PTPN11: variants seen among roughly 807,000 people sequenced by gnomAD.
The protein encoded by PTPN11 is protein tyrosine phosphatase non-receptor type 11.
Under a neutral mutation model 78.8 loss-of-function variants are expected in PTPN11, and 6 were observed. That is an observed-to-expected ratio of 0.08 (90% CI 0.04 to 0.15). PTPN11 has a LOEUF of 0.15. PTPN11 is among the 10% of genes least tolerant of loss of function. The pLI is 1.00. For missense variants in PTPN11, 386 were observed against 744.8 expected, an observed-to-expected ratio of 0.52 and a Z score of 5.61; for synonymous variants, 221 against 263.5, an observed-to-expected ratio of 0.84 and a Z score of 1.56.
chr12:112,452,168 G>A (rs1156883939), intron 3 of PTPN11, among the ~76,000 whole-genome samples: 1 of 151,920 alleles, frequency 6.6e-6, no homozygotes, highest in Non-Finnish European at 1.5e-5. Context: ...GAGCCACCGT[G>A]CCTGTCTCTA....
intron 13 of PTPN11, among the ~76,000 whole-genome samples, chr12:112,500,059 C>T (rs2038857607): frequency 6.6e-6 from 1 of 151,660 alleles, no homozygotes; most frequent in South Asian, 2.1e-4. Context: ...GGCTGGCCAA[C>T]ATGATGAAAC....
chr12:112,491,218 A>G (rs1039822919), intron 13 of PTPN11, among the ~76,000 whole-genome samples: 43 of 150,876 alleles, frequency 2.9e-4, no homozygotes, highest in African/African-American at 1.0e-3. Flanking sequence ...CAGTTCTCAC[A>G]CTCTGCCAGT....
chr12:112,473,147 C>T (rs2038446485), intron 7 of PTPN11, 107 bp downstream of exon 7: 1 of 904,394 alleles, frequency 1.1e-6, no homozygotes, highest in Non-Finnish European at 1.8e-6. Flanking sequence ...ACATCGGAGG[C>T]CTTAGCTTCT....
chr12:112,465,467 C>T (rs1245493407), intron 6 of PTPN11, among the ~76,000 whole-genome samples: 1 of 151,872 alleles, frequency 6.6e-6, no homozygotes, highest in Non-Finnish European at 1.5e-5. Flanking sequence ...GCCTGCTGCT[C>T]CCTGTTGAGT....
chr12:112,448,351 C>T (rs548606886), intron 2 of PTPN11, among the ~76,000 whole-genome samples: 1 of 151,762 alleles, frequency 6.6e-6, no homozygotes, highest in East Asian at 1.9e-4. Flanking sequence ...GTTGGGATTA[C>T]AGCGCCTGGT....
Position 112,486,574 on chromosome 12 carries a change from G to A in PTPN11, c.1324G>A (p.Val442Met), listed in dbSNP as rs2135912727. 6.2e-7 allele frequency: 1 copy of A among 1,614,020 alleles called. No homozygotes were observed. Among genetic ancestry groups the A allele is most frequent in the Non-Finnish European group, 8.5e-7 (1 of 1,180,044 alleles). Residue 442 changes from valine to methionine, a missense_variant, in exon 11 of 16, where the codon GTG becomes ATG. By Grantham distance (21) the Val-to-Met change is conservative. Around this residue, in one of 3 missense-constraint regions of PTPN11, gnomAD observed 63 missense variants for 182.2 expected, o/e 0.35. Coordinates refer to ENST00000351677, the MANE Select transcript of PTPN11 (RefSeq NM_002834.5). The part of the protein sequence containing the change: ...PGGVLDFLEE[V>M]HHKQESIMDA... ...GGGCGTGCTGGACTTCCTGGAGGAGGTGCACCATAAGCAGGAGAGCATCAT... is the reference window on the plus strand; with the variant it reads ...GGGCGTGCTGGACTTCCTGGAGGAGATGCACCATAAGCAGGAGAGCATCAT...
At chr12:112,472,439 A>G (rs2038432801) in intron 6 of PTPN11, among the ~76,000 whole-genome samples, 1 of 152,236 alleles carries the variant, frequency 6.6e-6, no homozygotes, top group Non-Finnish European at 1.5e-5. Flanking sequence ...CTTTTGTATG[A>G]ACAAACAATA....
At chr12:112,461,771 G>A (rs1343864050) in intron 6 of PTPN11, among the ~76,000 whole-genome samples, 4 of 152,190 alleles carry the variant, frequency 2.6e-5, no homozygotes, top group East Asian at 3.9e-4. Flanking sequence ...GAGCCAATGA[G>A]CCTGGTCAGA....
intron 6 of PTPN11, among the ~76,000 whole-genome samples, chr12:112,468,734 C>T (rs914320749): frequency 3.3e-5 from 5 of 152,210 alleles, no homozygotes; most frequent in African/African-American, 2.4e-5. Flanking sequence ...GCCCCAAGTC[C>T]GCCTGGAAGA....
At chr12:112,490,172 T>TA (rs1315577478) in intron 13 of PTPN11, among the ~76,000 whole-genome samples, 1 of 152,258 alleles carries the variant, frequency 6.6e-6, no homozygotes, top group Non-Finnish European at 1.5e-5. Context: ...CTTTATTTTA[T>TA]ATCTGTCTTC....
intron 2 of PTPN11, among the ~76,000 whole-genome samples, chr12:112,449,188 T>C (rs2038040547): frequency 6.7e-6 from 1 of 148,166 alleles, no homozygotes; most frequent in Admixed American, 6.7e-5. Flanking sequence ...TGCCTGGCCA[T>C]CACTTTTTTT....
At chr12:112,462,222 T>C (rs1189060390) in intron 6 of PTPN11, among the ~76,000 whole-genome samples, 1 of 152,040 alleles carries the variant, frequency 6.6e-6, no homozygotes, top group African/African-American at 2.4e-5. Flanking sequence ...TAACCAGACA[T>C]GGTGGCATGT....
intron 15 of PTPN11, 111 bp from the exon 16 acceptor site, chr12:112,505,714 T>C (rs1038142637): frequency 2.0e-5 from 3 of 151,044 alleles, no homozygotes; most frequent in Non-Finnish European, 4.4e-5. Flanking sequence ...GAAATTCCAC[T>C]TCAATGGGTA....
At chr12:112,476,321 T>G (rs537171866) in intron 7 of PTPN11, among the ~76,000 whole-genome samples, 1 of 152,386 alleles carries the variant, frequency 6.6e-6, no homozygotes, top group South Asian at 2.1e-4. Flanking sequence ...GACATTATTC[T>G]TTTAAGACAC....
chr12:112,443,341 T>A (rs997394327), intron 1 of PTPN11, among the ~76,000 whole-genome samples: 6 of 151,850 alleles, frequency 4.0e-5, no homozygotes, highest in Non-Finnish European at 8.8e-5. Context: ...CCCGCCAAAC[T>A]CCTCTTCATG....
At chr12:112,444,405 G>A (rs921573103) in intron 1 of PTPN11, among the ~76,000 whole-genome samples, 23 of 151,606 alleles carry the variant, frequency 1.5e-4, no homozygotes, top group Middle Eastern at 3.4e-3. Context: ...GTAGTGGCAC[G>A]ATCTTGGCTC....
At chr12:112,463,762 A>G (rs147104346) in intron 6 of PTPN11, among the ~76,000 whole-genome samples, 145 of 152,312 alleles carry the variant, frequency 9.5e-4, no homozygotes, top group African/African-American at 3.0e-3. Context: ...TGAGGTGGTA[A>G]AATTGTTGTG....
rs554937283 is a variant in PTPN11, at chr12:112,494,599, C to T, written c.1599+5424C>T. On this transcript the variant is annotated intron_variant, in intron 13 of 15. Coordinates refer to ENST00000351677, the MANE Select transcript of PTPN11 (RefSeq NM_002834.5). ...ACTTAAGATGGTCTAGGCTCATCTT[C>T]TCCTTTCCCAGCCATTTTTCAAAGG... Among the ~76,000 whole-genome samples, 287 of 152,274 alleles carry T rather than the reference C, an allele frequency of 1.9e-3. 6 individuals carry two copies. Among genetic ancestry groups the T allele is most frequent in the Non-Finnish European group, 1.2e-3 (85 of 68,022 alleles).
At chr12:112,477,000 ATCT>A (rs969967924) in intron 7 of PTPN11, among the ~76,000 whole-genome samples, 1 of 151,520 alleles carries the variant, frequency 6.6e-6, no homozygotes, top group African/African-American at 2.4e-5. Context: ...GTATACTTCA[ATCT>A]TCTTTTTTTT....
Sources: allele counts gnomAD v4.1 joint callset (sites outside exome capture counted in the v4.1 genomes callset), GRCh38; gene constraint gnomAD v4.1.1; regional missense constraint gnomAD v4.1.1; transcripts MANE v1.5; gene names NCBI Gene and HGNC (gene_info 2026-07-23, HGNC 2026-07-21).